The following DIAPH3 variants were observed in gnomAD, a reference collection of about 807,000 sequenced individuals.
The protein encoded by DIAPH3 is protein diaphanous homolog 3.
DIAPH3 carries 117 observed loss-of-function variants against 144.3 expected under a neutral mutation model. That is an observed-to-expected ratio of 0.81 (90% CI 0.70 to 0.95). The LOEUF is 0.95. Ranked by LOEUF, DIAPH3 falls within the 40% of genes least tolerant of loss-of-function variation. DIAPH3 has a pLI of 0.00. For synonymous variants in DIAPH3, 519 were observed against 488.9 expected, an observed-to-expected ratio of 1.06 and a Z score of -0.81; for missense variants, 1,421 against 1,412.7, an observed-to-expected ratio of 1.01 and a Z score of -0.09.
chr13:60,077,564 T>G (rs960497272), intron 4 of DIAPH3, among the ~76,000 whole-genome samples: 1 of 152,086 alleles, frequency 6.6e-6, no homozygotes. Context: ...TATGACTTTA[T>G]CAATTTCAGA....
rs542441594 is a variant in DIAPH3, at chr13:59,847,472, C to T, written c.2738-8024G>A. ...ACAAGTACAAAGAGGGTATTAAAGG[C>T]GGCAGCCTTTTAGAAGAGAAAGTGT... On this transcript the variant is annotated intron_variant, in intron 22 of 27. Transcript: ENST00000400324. 3.9e-5 allele frequency among the ~76,000 whole-genome samples: 6 copies of T among 152,200 alleles called. No individual in the cohort carries two copies. The South Asian group carries it at 1.2e-3, about 32-fold the overall frequency.
At chr13:59,846,254 C>T (rs546658381) in intron 22 of DIAPH3, among the ~76,000 whole-genome samples, 2 of 151,790 alleles carry the variant, frequency 1.3e-5, no homozygotes, top group South Asian at 4.2e-4. Context: ...AAAAAATCCT[C>T]TATGAATATC....
chr13:60,087,681 G>C (rs2057793515), intron 4 of DIAPH3, among the ~76,000 whole-genome samples: 1 of 151,878 alleles, frequency 6.6e-6, no homozygotes, highest in African/African-American at 2.4e-5. Flanking sequence ...CCTCAGAATA[G>C]CCCTTACATT....
chr13:59,730,094 C>T (rs2035823605), intron 27 of DIAPH3, among the ~76,000 whole-genome samples: 1 of 152,030 alleles, frequency 6.6e-6, no homozygotes, highest in Non-Finnish European at 1.5e-5. Context: ...CTTAAAAAAA[C>T]AGCGAGCCCT....
At chr13:60,132,637 G>C (rs1197780413) in intron 2 of DIAPH3, among the ~76,000 whole-genome samples, 1 of 152,022 alleles carries the variant, frequency 6.6e-6, no homozygotes, top group African/African-American at 2.4e-5. Context: ...AAGCTGACAT[G>C]TCTTTGCTAT....
chr13:59,840,771 T>C (rs2042296603), intron 22 of DIAPH3, among the ~76,000 whole-genome samples: 1 of 152,044 alleles, frequency 6.6e-6, no homozygotes, highest in Non-Finnish European at 1.5e-5. Context: ...GCTCCCACTA[T>C]GATGAAGCTA....
At chr13:60,119,962 C>T (rs993014119) in intron 2 of DIAPH3, among the ~76,000 whole-genome samples, 1 of 151,786 alleles carries the variant, frequency 6.6e-6, no homozygotes, top group African/African-American at 2.4e-5. Context: ...ATATATAAAA[C>T]ATAGTTACCA....
At chr13:60,004,487 C>T (rs373876090) in intron 9 of DIAPH3, among the ~76,000 whole-genome samples, 2 of 152,106 alleles carry the variant, frequency 1.3e-5, no homozygotes. Context: ...TACTCTGAAG[C>T]CTGCTACCTG....
At chr13:59,739,329 C>A (rs1164076541) in intron 27 of DIAPH3, among the ~76,000 whole-genome samples, 2 of 152,192 alleles carry the variant, frequency 1.3e-5, no homozygotes, top group Non-Finnish European at 1.5e-5. Context: ...AATACAAAAA[C>A]CACATCAAAT....
intron 1 of DIAPH3, among the ~76,000 whole-genome samples, chr13:60,139,670 T>C (rs763308515): frequency 2.6e-5 from 4 of 152,188 alleles, no homozygotes; most frequent in Non-Finnish European, 5.9e-5. Context: ...AATTATCATA[T>C]TGTGGCTTGG....
intron 27 of DIAPH3, among the ~76,000 whole-genome samples, chr13:59,729,177 T>C (rs2035752823): frequency 6.6e-6 from 1 of 152,124 alleles, no homozygotes. Flanking sequence ...TTGACTATAG[T>C]CAGTGGACTG....
intron 17 of DIAPH3, among the ~76,000 whole-genome samples, chr13:59,968,305 T>C (rs1384660746): frequency 6.6e-6 from 1 of 152,166 alleles, no homozygotes; most frequent in Non-Finnish European, 1.5e-5. Flanking sequence ...GCAGAATTAC[T>C]TAAATAGTTT....
intron 17 of DIAPH3, among the ~76,000 whole-genome samples, chr13:59,931,994 T>C (rs1422140329): frequency 5.9e-5 from 9 of 152,188 alleles, no homozygotes; most frequent in Non-Finnish European, 1.3e-4. Flanking sequence ...AACAACACTT[T>C]CATCTCCTTA....
chr13:59,707,550 G>A (rs1164103533), intron 27 of DIAPH3, among the ~76,000 whole-genome samples: 2 of 152,182 alleles, frequency 1.3e-5, no homozygotes, highest in African/African-American at 2.4e-5. Flanking sequence ...ACTTCTGGGA[G>A]TTTAAATTCC....
chr13:59,974,220 A>G (rs573562989), intron 15 of DIAPH3, 132 bp downstream of exon 15: 1 of 725,426 alleles, frequency 1.4e-6, no homozygotes, highest in South Asian at 1.7e-5. Flanking sequence ...AGCAAAACAC[A>G]GTACAAATAA....
At chr13:60,062,746 C>T (rs1326512545) in intron 4 of DIAPH3, among the ~76,000 whole-genome samples, 1 of 152,148 alleles carries the variant, frequency 6.6e-6, no homozygotes, top group Non-Finnish European at 1.5e-5. Flanking sequence ...TCCCAGTACA[C>T]AGAAAAGTTA....
At chr13:60,023,975 C>T (rs907316046) in intron 5 of DIAPH3, among the ~76,000 whole-genome samples, 3 of 150,748 alleles carry the variant, frequency 2.0e-5, no homozygotes, top group African/African-American at 7.3e-5. Context: ...CCTGCCTCAG[C>T]CTCCCAAGTA....
chr13:59,861,148 A>G, intron 22 of DIAPH3: 1 of 1,171,282 alleles, frequency 8.5e-7, no homozygotes, highest in Non-Finnish European at 1.2e-6. Flanking sequence ...AGGTAGGGCT[A>G]GCAGGTATCT....
At chr13:59,778,446 A>C (rs752359006) in intron 25 of DIAPH3, among the ~76,000 whole-genome samples, 21 of 152,224 alleles carry the variant, frequency 1.4e-4, no homozygotes, top group Non-Finnish European at 2.9e-4. Flanking sequence ...AATTAGCTAA[A>C]TATATGTTGA....
Sources: gnomAD v4.1 joint callset for allele counts (sites outside exome capture counted in the v4.1 genomes callset) on GRCh38, gnomAD v4.1.1 for gene constraint, MANE v1.5 for transcripts, NCBI Gene and HGNC (gene_info 2026-07-23, HGNC 2026-07-21) for gene names.